The following ZNF26 variants were observed in gnomAD, a reference collection of about 807,000 sequenced individuals.
The protein encoded by ZNF26 is zinc finger protein 26.
ZNF26 carries 32 observed loss-of-function variants against 54.9 expected under a neutral mutation model. That is an observed-to-expected ratio of 0.58 (90% confidence interval 0.44 to 0.78). The LOEUF (loss-of-function observed/expected upper bound fraction) is 0.78, where lower values mean the gene tolerates loss of function less well. Among genes scored for constraint, ZNF26 ranks in the 30% least tolerant of loss-of-function variants. The pLI is 0.00. For synonymous variants in ZNF26, 221 were observed against 209.2 expected, an observed-to-expected ratio of 1.06 and a Z score of -0.49; for missense variants, 524 against 634.0, an observed-to-expected ratio of 0.83 and a Z score of 1.86.
At chr12:132,989,955 G>A (rs915405375) in intron 1 of ZNF26, among the ~76,000 whole-genome samples, 10 of 152,078 alleles carry the variant, frequency 6.6e-5, no homozygotes, top group Non-Finnish European at 1.5e-4. Context: ...TTTAGTGAGG[G>A]TTTTTGTTGT....
Position 133,025,167 on chromosome 12 carries a change from A to G in ZNF26, c.*13686A>G, listed in dbSNP as rs1953687646. 2 of 152,224 alleles carry G rather than the reference A, an allele frequency of 1.3e-5. No individual in the cohort carries two copies. Among genetic ancestry groups the G allele is most frequent in the Admixed American group, 1.3e-4 (2 of 15,282 alleles). The allele number at this position is 152,224 out of a possible 1,614,324, so 9.4% of individuals were successfully genotyped here. A position where few individuals can be genotyped will look rare whatever the true frequency, so the allele number is the denominator to read the frequency against. ...TACCCAGTAGGATTTATGGATTTCTATGGAACAGTGACTACTCTGTGCCTC... is the reference window on the plus strand; with the variant it reads ...TACCCAGTAGGATTTATGGATTTCTGTGGAACAGTGACTACTCTGTGCCTC... On this transcript the variant is annotated 3_prime_UTR_variant, in exon 4 of 4. Coordinates refer to ENST00000328654, the MANE Select transcript of ZNF26 (RefSeq NM_019591.4).
rs1239424967 is a variant in ZNF26, at chr12:133,014,118, A to G, written c.*2637A>G. 2.0e-5 allele frequency: 3 copies of G among 152,220 alleles called. No homozygotes were observed. The highest frequency in any genetic ancestry group is 4.4e-5 in the Non-Finnish European group (3 of 68,050). The allele number at this position is 152,220 out of a possible 1,614,324, so 9.4% of individuals were successfully genotyped here. A position where few individuals can be genotyped will look rare whatever the true frequency, so the allele number is the denominator to read the frequency against. On this transcript the variant is annotated 3_prime_UTR_variant, in exon 4 of 4. Coordinates refer to ENST00000328654, the MANE Select transcript of ZNF26 (RefSeq NM_019591.4). ...TACCAGTTTGGTAACAATAATCTAC[A>G]CTAAACATGCCCTGGGATGGGATTG... is the stretch of plus-strand genomic sequence containing the variant.
chr12:133,022,283 T>G lies in ZNF26; in HGVS notation c.*10802T>G, dbSNP rs1332763496. The G allele has an allele frequency of 6.6e-6, 1 of 152,174 alleles. No homozygotes were observed. Among genetic ancestry groups the G allele is most frequent in the African/African-American group, 2.4e-5 (1 of 41,444 alleles). 9.4% of individuals were successfully genotyped at this position (152,174 alleles called of 1,614,324 possible). A position where few individuals can be genotyped will look rare whatever the true frequency, so the allele number is the denominator to read the frequency against. On this transcript the variant is annotated 3_prime_UTR_variant, in exon 4 of 4. Coordinates refer to ENST00000328654, the MANE Select transcript of ZNF26 (RefSeq NM_019591.4). Reference sequence around the variant, plus strand: ...TGCAAAATTATTGGATGTCAGTATATTCAAATCAATTTTATTTCTATATAT... The same window carrying G: ...TGCAAAATTATTGGATGTCAGTATAGTCAAATCAATTTTATTTCTATATAT...
At chr12:132,991,079 G>A (rs913741295) in intron 1 of ZNF26, among the ~76,000 whole-genome samples, 2 of 151,382 alleles carry the variant, frequency 1.3e-5, no homozygotes, top group Admixed American at 6.6e-5. Context: ...GGCTGGTCTC[G>A]AACTCCTGAC....
intron 1 of ZNF26, among the ~76,000 whole-genome samples, chr12:132,992,171 T>C (rs1469282027): frequency 6.6e-6 from 1 of 152,226 alleles, no homozygotes; most frequent in East Asian, 1.9e-4. Context: ...TGTATCTGTG[T>C]TTCTGACCTG....
intron 1 of ZNF26, among the ~76,000 whole-genome samples, chr12:132,992,617 T>G (rs1952987651): frequency 6.6e-6 from 1 of 152,220 alleles, no homozygotes; most frequent in Admixed American, 6.5e-5. Context: ...TGAAAATCTC[T>G]TTGTCAGAAG....
Position 133,011,339 on chromosome 12 carries a change from G to A in ZNF26, c.1460G>A (p.Cys487Tyr). The A allele has an allele frequency of 1.2e-6, 2 of 1,614,112 alleles. No individual in the cohort carries two copies. Among genetic ancestry groups the A allele is most frequent in the Non-Finnish European group, 1.7e-6 (2 of 1,180,034 alleles). The change falls in exon 4 of 4, where the codon TGT becomes TAT. Residue 487 changes from cysteine to tyrosine, a missense_variant. Transcript: ENST00000328654. Reference sequence around the variant, plus strand: ...GAGAAACCTTTTAAATGCAGTGAATGTGGAAAAGCCTTCACTCAGAAGTCA... The same window carrying A: ...GAGAAACCTTTTAAATGCAGTGAATATGGAAAAGCCTTCACTCAGAAGTCA... ...SGEKPFKCSE[C>Y]GKAFTQKSSL...
At chr12:132,991,147 CTGTGCCCAGCCTCCAT>C (rs1722478406) in intron 1 of ZNF26, among the ~76,000 whole-genome samples, 3 of 151,786 alleles carry the variant, frequency 2.0e-5, no homozygotes, top group Admixed American at 1.3e-4. Context: ...GCATGAGCCA[CTGTGCCCAGCCTCCAT>C]TACTATTTTG....
chr12:132,996,105 G>A (rs1342781126), intron 1 of ZNF26, among the ~76,000 whole-genome samples: 1 of 152,148 alleles, frequency 6.6e-6, no homozygotes, highest in Non-Finnish European at 1.5e-5. Flanking sequence ...ATTTATTGCA[G>A]GCTCCTCTCT....
chr12:132,993,023 A>ATTT (rs1593636909), intron 1 of ZNF26, among the ~76,000 whole-genome samples: 2 of 88,414 alleles, frequency 2.3e-5, no homozygotes, highest in Admixed American at 1.5e-4. Flanking sequence ...GATCACTAGT[A>ATTT]TTTCTTTTTT....
chr12:133,005,194 C>T (rs1229006603), intron 1 of ZNF26: 2 of 151,946 alleles, frequency 1.3e-5, no homozygotes, highest in African/African-American at 4.8e-5. Flanking sequence ...AAAATCATTC[C>T]AGGTTTATTT....
At chr12:132,997,753 C>T (rs1953120717) in intron 1 of ZNF26, among the ~76,000 whole-genome samples, 1 of 152,106 alleles carries the variant, frequency 6.6e-6, no homozygotes, top group Non-Finnish European at 1.5e-5. Flanking sequence ...AGATACATAA[C>T]AATAATTTGA....
In ZNF26 at chr12:133,019,653, T is replaced by C. The variant is rs1256611465; in HGVS notation, c.*8172T>C. ...TTAGTACAGCCACTATGGAGAACAG[T>C]ATGGAGGCTCCTCAAAGCAACTGAA... On this transcript the variant is annotated 3_prime_UTR_variant, in exon 4 of 4. Transcript: ENST00000328654. 6.6e-6 allele frequency: 1 copy of C among 152,102 alleles called. No homozygotes were observed. Among genetic ancestry groups the C allele is most frequent in the Non-Finnish European group, 1.5e-5 (1 of 68,040 alleles). 9.4% of individuals were successfully genotyped at this position (152,102 alleles called of 1,614,324 possible). A position where few individuals can be genotyped will look rare whatever the true frequency, so the allele number is the denominator to read the frequency against.
intron 1 of ZNF26, among the ~76,000 whole-genome samples, chr12:132,994,574 A>G (rs1360688397): frequency 6.6e-6 from 1 of 152,162 alleles, no homozygotes; most frequent in Non-Finnish European, 1.5e-5. Flanking sequence ...GTACATTTTT[A>G]ATGCATATGT....
intron 1 of ZNF26, among the ~76,000 whole-genome samples, chr12:132,993,027 C>CTTTTTTTTTTTT (rs71079156): frequency 1.5e-5 from 2 of 129,444 alleles, no homozygotes; most frequent in Non-Finnish European, 1.6e-5. Flanking sequence ...ACTAGTATTT[C>CTTTTTTTTTTTT]TTTTTTTTTT....
At chr12:133,002,943 C>G (rs995618406) in intron 1 of ZNF26, among the ~76,000 whole-genome samples, 8 of 152,082 alleles carry the variant, frequency 5.3e-5, no homozygotes, top group African/African-American at 2.4e-5. Context: ...TTAAGAGTAC[C>G]TAGCACCCCT....
intron 1 of ZNF26, among the ~76,000 whole-genome samples, chr12:132,998,991 G>T (rs888129015): frequency 3.3e-5 from 5 of 152,148 alleles, no homozygotes; most frequent in Non-Finnish European, 7.3e-5. Context: ...AACTCAGAAA[G>T]ATTCTTGACT....
rs1042578348 is a variant in ZNF26, at chr12:133,022,143, G to T, written c.*10662G>T. 6.6e-6 allele frequency: 1 copy of T among 151,818 alleles called. No homozygotes were observed. The highest frequency in any genetic ancestry group is 1.5e-5 in the Non-Finnish European group (1 of 67,956). 9.4% of individuals were successfully genotyped at this position (151,818 alleles called of 1,614,324 possible). A position where few individuals can be genotyped will look rare whatever the true frequency, so the allele number is the denominator to read the frequency against. ...TGAGACGGGAGTATCACTTGAACTC[G>T]AAAGGTGGAGGTTGCAGTGAGCCGG... is the stretch of plus-strand genomic sequence containing the variant. On this transcript the variant is annotated 3_prime_UTR_variant, in exon 4 of 4. Transcript: ENST00000328654.
intron 1 of ZNF26, among the ~76,000 whole-genome samples, chr12:132,999,723 C>T (rs1335424590): frequency 2.0e-5 from 3 of 151,644 alleles, no homozygotes; most frequent in East Asian, 3.9e-4. Context: ...GGGGGAGTCT[C>T]GCCCTTGTTG....
Sources: gnomAD v4.1 joint callset for allele counts (sites outside exome capture counted in the v4.1 genomes callset) on GRCh38, gnomAD v4.1.1 for gene constraint, MANE v1.5 for transcripts, NCBI Gene and HGNC (gene_info 2026-07-23, HGNC 2026-07-21) for gene names.